Variants in TBC1D15 observed in about 807,000 individuals in gnomAD.
TBC1D15 encodes GAP for RAB7.
In TBC1D15, 39 loss-of-function variants were observed where a neutral mutation model predicts 95.4. The observed-to-expected ratio is 0.41, with a 90% CI of 0.32 to 0.53. The LOEUF is 0.53. Ranked by LOEUF, TBC1D15 falls within the 20% of genes least tolerant of loss-of-function variation. The pLI is 0.29. For missense variants in TBC1D15, 733 were observed against 794.3 expected (o/e 0.92, Z 0.93); for synonymous variants, 258 against 261.3 (o/e 0.99, Z 0.12).
intron 11 of TBC1D15, among the ~76,000 whole-genome samples, chr12:71,909,570 T>C (rs1901667680): frequency 6.6e-6 from 1 of 152,162 alleles, no homozygotes; most frequent in Non-Finnish European, 1.5e-5. Flanking sequence ...GTGTCTAATG[T>C]TTTTTAAGAA....
At chr12:71,920,891 A>G (rs1400223681) in intron 15 of TBC1D15, 44 bp downstream of exon 15, 19 of 1,406,220 alleles carry the variant, frequency 1.4e-5, no homozygotes, top group South Asian at 1.1e-4. Context: ...TGGCTTTTCT[A>G]TTTGGTGGTC....
chr12:71,861,148 A>AT (rs1890283297), intron 1 of TBC1D15, among the ~76,000 whole-genome samples: 1 of 152,138 alleles, frequency 6.6e-6, no homozygotes, highest in East Asian at 1.9e-4. Context: ...TTCATCAGGG[A>AT]TATTGGCCTA....
chr12:71,916,869 C>T (rs1903829947), intron 12 of TBC1D15, among the ~76,000 whole-genome samples: 1 of 152,082 alleles, frequency 6.6e-6, no homozygotes, highest in Non-Finnish European at 1.5e-5. Context: ...TTCACACTCT[C>T]CAATATTATT....
At chr12:71,845,296 A>C (rs543050410) in intron 1 of TBC1D15, among the ~76,000 whole-genome samples, 16 of 152,328 alleles carry the variant, frequency 1.1e-4, no homozygotes, top group African/African-American at 3.6e-4. Flanking sequence ...GTTATACATT[A>C]TGCACCTTAG....
At chr12:71,915,448 T>TAAAAAAAAA in intron 12 of TBC1D15, among the ~76,000 whole-genome samples, 1 of 130,508 alleles carries the variant, frequency 7.7e-6, no homozygotes, top group Non-Finnish European at 1.7e-5. Context: ...GTAGATATTC[T>TAAAAAAAAA]AAAAAAAAAA....
intron 3 of TBC1D15, among the ~76,000 whole-genome samples, chr12:71,873,783 A>C (rs1045127508): frequency 3.9e-5 from 6 of 152,216 alleles, no homozygotes; most frequent in African/African-American, 1.4e-4. Flanking sequence ...TTTGTTTCCT[A>C]GGGCTACTGT....
intron 12 of TBC1D15, among the ~76,000 whole-genome samples, chr12:71,914,207 A>C (rs1252751296): frequency 6.6e-6 from 1 of 151,976 alleles, no homozygotes; most frequent in Non-Finnish European, 1.5e-5. Flanking sequence ...TCATTACAGA[A>C]TATTGATAAA....
chr12:71,913,220 A>G (rs957684225), intron 11 of TBC1D15: 2 of 152,114 alleles, frequency 1.3e-5, no homozygotes, highest in African/African-American at 4.8e-5. Flanking sequence ...AAAAAAAGAA[A>G]GAAGGACGTA....
At chr12:71,922,464 A>G (rs988958111) in intron 16 of TBC1D15, among the ~76,000 whole-genome samples, 2 of 151,182 alleles carry the variant, frequency 1.3e-5, no homozygotes, top group African/African-American at 4.8e-5. Flanking sequence ...ATAGGTATAC[A>G]TGTGCCACAT....
intron 13 of TBC1D15, among the ~76,000 whole-genome samples, chr12:71,918,185 CTA>C (rs527396191): frequency 5.9e-4 from 90 of 152,272 alleles, no homozygotes; most frequent in Non-Finnish European, 9.4e-4. Context: ...CATATATACT[CTA>C]TTGCACTTTC....
intron 4 of TBC1D15, among the ~76,000 whole-genome samples, chr12:71,884,184 G>T (rs940822323): frequency 1.3e-5 from 2 of 152,012 alleles, no homozygotes; most frequent in Admixed American, 6.6e-5. Context: ...TTTTATATCA[G>T]TATGCTTACT....
intron 1 of TBC1D15, among the ~76,000 whole-genome samples, chr12:71,867,839 A>G (rs1249289672): frequency 6.6e-6 from 1 of 152,162 alleles, no homozygotes; most frequent in Non-Finnish European, 1.5e-5. Flanking sequence ...TGGTGCACAA[A>G]TTTTGGAGCA....
At chr12:71,852,325 A>G (rs1415354771) in intron 1 of TBC1D15, among the ~76,000 whole-genome samples, 1 of 152,116 alleles carries the variant, frequency 6.6e-6, no homozygotes, top group African/African-American at 2.4e-5. Context: ...TTTCCCTCCT[A>G]TGCGTTGGTC....
chr12:71,924,144 A>G lies in TBC1D15; in HGVS notation c.*940A>G, dbSNP rs1430029133. 1 of 152,626 alleles carries G rather than the reference A, an allele frequency of 6.6e-6. No homozygotes were observed. The highest frequency in any genetic ancestry group is 1.5e-5 in the Non-Finnish European group (1 of 68,038). The allele number at this position is 152,626 out of a possible 1,614,324, so 9.5% of individuals were successfully genotyped here. On this transcript the variant is annotated 3_prime_UTR_variant, in exon 17 of 17. Coordinates refer to ENST00000485960, the MANE Select transcript of TBC1D15 (RefSeq NM_001146213.3). The stretch of plus-strand genomic sequence containing the variant: ...CAAAAAGTTTATTTGAAAAATTTCT[A>G]GATGGTCTCATGAGTTTCAAAATAA...
chr12:71,906,360 C>T (rs1052270745), intron 10 of TBC1D15, among the ~76,000 whole-genome samples: 1 of 152,176 alleles, frequency 6.6e-6, no homozygotes, highest in Non-Finnish European at 1.5e-5. Flanking sequence ...TCTCTCACAT[C>T]GTGATGCACT....
At position 71,864,487 on chromosome 12, in the gene TBC1D15, G is replaced by GT. The variant is rs1012280064; in HGVS notation, c.31-7571dup. Among the ~76,000 whole-genome samples the GT allele has an allele frequency of 4.2e-3, 597 of 142,710 alleles. 1 individual carries two copies. Among genetic ancestry groups the GT allele is most frequent in the African/African-American group, 9.0e-3 (357 of 39,456 alleles). The allele number at this position is 142,710 out of a possible 152,430, so 93.6% of individuals were successfully genotyped here. ...GAATGACTTTCACCTGCAGTTGAGT[G>GT]TTTTTTTTTTTTGTTTGTTTGTTTG... On this transcript the variant is annotated intron_variant, in intron 1 of 16. Coordinates refer to ENST00000485960, the MANE Select transcript of TBC1D15 (RefSeq NM_001146213.3).
At chr12:71,850,650 G>A (rs1463800704) in intron 1 of TBC1D15, among the ~76,000 whole-genome samples, 4 of 152,070 alleles carry the variant, frequency 2.6e-5, no homozygotes, top group African/African-American at 7.2e-5. Context: ...CCCTCAAGGC[G>A]ATCCTCCTAC....
chr12:71,882,411 C>A (rs375409588), intron 4 of TBC1D15, among the ~76,000 whole-genome samples: 60 of 152,198 alleles, frequency 3.9e-4, no homozygotes, highest in African/African-American at 1.3e-3. Flanking sequence ...TAGAGACTTA[C>A]TGAACTGTTC....
At chr12:71,873,225 C>G (rs957483422) in intron 3 of TBC1D15, among the ~76,000 whole-genome samples, 45 of 152,186 alleles carry the variant, frequency 3.0e-4, no homozygotes, top group African/African-American at 1.1e-3. Flanking sequence ...ATTTCACCTA[C>G]TTTCAGTCAC....
Sources: gnomAD v4.1 joint callset for allele counts (sites outside exome capture counted in the v4.1 genomes callset) on GRCh38, gnomAD v4.1.1 for gene constraint, MANE v1.5 for transcripts, NCBI Gene and HGNC (gene_info 2026-07-23, HGNC 2026-07-21) for gene names.